The following BTBD2 variants were observed in gnomAD, a reference collection of about 807,000 sequenced individuals.
BTBD2 encodes the protein BTB/POZ domain-containing protein 2.
BTBD2 carries 15 observed loss-of-function variants against 44.0 expected under a neutral mutation model. The observed-to-expected ratio is 0.34, with a 90% CI of 0.23 to 0.53. The LOEUF (loss-of-function observed/expected upper bound fraction) is 0.53. Ranked by LOEUF, BTBD2 falls within the 20% of genes least tolerant of loss-of-function variation. BTBD2 has a pLI of 0.95. For missense variants in BTBD2, 657 were observed against 746.4 expected (o/e 0.88, Z 1.39); for synonymous variants, 443 against 335.9 (o/e 1.32, Z -3.49).
intron 4 of BTBD2, 103 bp from the exon 5 acceptor site, chr19:1,990,304 C>T: frequency 2.2e-6 from 3 of 1,338,636 alleles, no homozygotes; most frequent in South Asian, 2.7e-5. Flanking sequence ...GCCGGGCTGG[C>T]AACTATGGCC....
At chr19:1,993,857 C>T (rs1415433805) in intron 2 of BTBD2, among the ~76,000 whole-genome samples, 20 of 151,204 alleles carry the variant, frequency 1.3e-4, no homozygotes, top group Non-Finnish European at 2.7e-4. Flanking sequence ...ATTAGCTGGG[C>T]GTGGTGGTGG....
At chr19:2,012,952 G>A (rs1296080667) in intron 1 of BTBD2, among the ~76,000 whole-genome samples, 1 of 152,050 alleles carries the variant, frequency 6.6e-6, no homozygotes, top group Non-Finnish European at 1.5e-5. Context: ...CCTCCCCAAA[G>A]AGCACAAAGA....
In BTBD2 at chr19:1,995,680, A is replaced by T. The variant is rs556379262; in HGVS notation, c.527+1664T>A. Among the ~76,000 whole-genome samples, 267 of 148,422 alleles carry T rather than the reference A, an allele frequency of 1.8e-3. 3 individuals are homozygous for T. Among genetic ancestry groups the T allele is most frequent in the Non-Finnish European group, 3.1e-3 (209 of 67,252 alleles). ...GAGACAGAGTCTCGCTCTGTCGCCC[A>T]GGCTGGAGTGCAGTGGCATGATCTC... is the stretch of plus-strand genomic sequence containing the variant. On this transcript the variant is annotated intron_variant, in intron 2 of 8. Transcript: ENST00000255608.
intron 2 of BTBD2, among the ~76,000 whole-genome samples, chr19:1,993,824 C>T (rs544077709): frequency 5.3e-5 from 8 of 149,998 alleles, no homozygotes; most frequent in African/African-American, 1.5e-4. Context: ...TGGTGAAACC[C>T]CGTCTCTACT....
At position 1,987,433 on chromosome 19, in the gene BTBD2, C is replaced by T. The variant is rs577541269; in HGVS notation, c.1181+67G>A. The T allele has an allele frequency of 2.9e-6, 4 of 1,368,120 alleles. No individual in the cohort carries two copies. In the African/African-American group the frequency reaches 4.4e-5, roughly 15 times the overall value. 84.7% of individuals were successfully genotyped at this position (1,368,120 alleles called of 1,614,324 possible). ...TTCTCCACCCCCATGCCCGGCCCCC[C>T]ATCTCCGTCATCCCCGAGTCCTCCA... On this transcript the variant is annotated intron_variant, in intron 6 of 8. Transcript: ENST00000255608.
In BTBD2 at chr19:1,985,527, G is replaced by T. The variant is rs3746062; in HGVS notation, c.*961C>A. On this transcript the variant is annotated 3_prime_UTR_variant, in exon 9 of 9. Transcript: ENST00000255608. Reference sequence around the variant, plus strand: ...AGGACACCCCTCCCATGGCTTTGGGGAGGACGCAGGTTCCAGGAGTCACAG... The same window carrying T: ...AGGACACCCCTCCCATGGCTTTGGGTAGGACGCAGGTTCCAGGAGTCACAG... 3,414 of 152,534 alleles carry T rather than the reference G, an allele frequency of 0.022. 63 individuals carry two copies. The highest frequency in any genetic ancestry group is 0.06 in the Admixed American group (914 of 15,278). 9.4% of individuals were successfully genotyped at this position (152,534 alleles called of 1,614,324 possible). A position where few individuals can be genotyped will look rare whatever the true frequency, so the allele number is the denominator to read the frequency against.
chr19:1,996,909 G>A (rs903596663), intron 2 of BTBD2, among the ~76,000 whole-genome samples: 3 of 149,694 alleles, frequency 2.0e-5, no homozygotes, highest in East Asian at 4.0e-4. Flanking sequence ...TGGGCTGGGC[G>A]CGGTGGCTCA....
chr19:1,996,459 T>C (rs1392107838), intron 2 of BTBD2, among the ~76,000 whole-genome samples: 1 of 150,932 alleles, frequency 6.6e-6, no homozygotes, highest in Non-Finnish European at 1.5e-5. Flanking sequence ...TCTTTTTAAA[T>C]TTCTTTCACT....
chr19:1,997,730 C>A (rs2074625), intron 1 of BTBD2, among the ~76,000 whole-genome samples: 57,963 of 152,026 alleles, frequency 0.38, 12,033 homozygotes, highest in African/African-American at 0.55. Context: ...CCCTCACCAT[C>A]CTCTCTCTTT....
rs980553084 is a variant in BTBD2, at chr19:1,987,655, C to A, written c.1026G>T (p.Val342=). The A allele has an allele frequency of 1.9e-6, 3 of 1,610,500 alleles. No individual in the cohort carries two copies. Among genetic ancestry groups the A allele is most frequent in the Non-Finnish European group, 2.5e-6 (3 of 1,178,574 alleles). ...CGGTGAAGTGCAGGAAGAGGCTGAC[C>A]ACCTCGCGGTCCACCAGGATGCCCG... ...AQSGILVDRE[V]VSLFLHFTVN... Residue 342 remains valine, a synonymous_variant, in exon 6 of 9, where the codon GTG becomes GTT. Coordinates refer to ENST00000255608, the MANE Select transcript of BTBD2 (RefSeq NM_017797.4).
intron 5 of BTBD2, chr19:1,989,698 G>A (rs2016145152): frequency 4.7e-6 from 2 of 425,476 alleles, no homozygotes; most frequent in South Asian, 2.3e-5. Context: ...ACTGGTACCT[G>A]CACCAGCAGG....
chr19:1,992,603 G>A (rs942200906), intron 3 of BTBD2, among the ~76,000 whole-genome samples: 2 of 150,986 alleles, frequency 1.3e-5, no homozygotes, highest in Admixed American at 6.6e-5. Flanking sequence ...GTGGAGTCTC[G>A]CTCTGTCATG....
At chr19:2,008,452 G>A (rs367718377) in intron 1 of BTBD2, among the ~76,000 whole-genome samples, 3 of 150,714 alleles carry the variant, frequency 2.0e-5, no homozygotes, top group African/African-American at 2.4e-5. Context: ...CACCATGCCT[G>A]GGTACTTTTT....
At chr19:1,990,403 T>G (rs527804339) in intron 4 of BTBD2, 23 of 652,572 alleles carry the variant, frequency 3.5e-5, no homozygotes, top group East Asian at 1.4e-4. Context: ...CGGCTGTGGT[T>G]GTTTTTAAGC....
rs2016526622 is a variant in BTBD2 at position 2,015,640 on chromosome 19, T to G, written c.64A>C (p.Thr22Pro). 4 of 971,980 alleles carry G rather than the reference T, an allele frequency of 4.1e-6. No homozygotes were observed. The highest frequency in any genetic ancestry group is 1.1e-4 in the East Asian group (1 of 9,004). The allele number at this position is 971,980 out of a possible 1,614,324, so 60.2% of individuals were successfully genotyped here. A position where few individuals can be genotyped will look rare whatever the true frequency, so the allele number is the denominator to read the frequency against. The change falls in exon 1 of 9, where the codon ACG becomes CCG. Residue 22 changes from threonine (T) to proline (P), a missense_variant. By Grantham distance (38) the Thr-to-Pro change is conservative. This residue lies in a region of BTBD2 where 191 missense variants were observed against 188.5 expected (regional missense o/e 1.01). Coordinates refer to ENST00000255608, the MANE Select transcript of BTBD2 (RefSeq NM_017797.4). ...CPPGVGVGPG[T>P]GGSPGPSANA... ...GCGCTGGGCCCGGGACTGCCCCCCG[T>G]GCCCGGGCCGACCCCGACCCCCGGC... is the stretch of plus-strand genomic sequence containing the variant.
intron 1 of BTBD2, among the ~76,000 whole-genome samples, chr19:2,005,109 T>C (rs957704099): frequency 1.1e-4 from 16 of 152,084 alleles, no homozygotes; most frequent in Admixed American, 1.3e-4. Context: ...CGTGAGCCAC[T>C]GCGCCCAGCC....
At chr19:2,012,044 C>T (rs574705779) in intron 1 of BTBD2, among the ~76,000 whole-genome samples, 52 of 151,116 alleles carry the variant, frequency 3.4e-4, no homozygotes, top group African/African-American at 1.1e-3. Context: ...TTAGTAGAGA[C>T]GGTGTTTCAC....
chr19:2,014,561 G>C (rs998713528), intron 1 of BTBD2: 1 of 153,530 alleles, frequency 6.5e-6, no homozygotes, highest in Non-Finnish European at 1.4e-5. Flanking sequence ...TGGGGACCTG[G>C]GGTGCAGGGA....
intron 2 of BTBD2, 49 bp from the exon 3 acceptor site, chr19:1,993,225 C>G: frequency 6.4e-7 from 1 of 1,561,278 alleles, no homozygotes; most frequent in Non-Finnish European, 8.6e-7. Flanking sequence ...CATGCCCGCC[C>G]CCAGGGGAGA....
Sources: gnomAD v4.1 joint callset for allele counts (sites outside exome capture counted in the v4.1 genomes callset) on GRCh38, gnomAD v4.1.1 for gene constraint, gnomAD v4.1.1 regional missense constraint, MANE v1.5 for transcripts, NCBI Gene and HGNC (gene_info 2026-07-23, HGNC 2026-07-21) for gene names.